Variants in SIPA1L1 observed in about 807,000 individuals in gnomAD.
The protein encoded by SIPA1L1 is signal induced proliferation associated 1 like 1.
SIPA1L1 carries 26 observed loss-of-function variants against 162.7 expected under a neutral mutation model. That is an observed-to-expected ratio of 0.16 (90% confidence interval 0.12 to 0.22). The LOEUF (loss-of-function observed/expected upper bound fraction) is 0.22. Among genes scored for constraint, SIPA1L1 ranks in the 10% least tolerant of loss-of-function variants. The pLI, the probability that SIPA1L1 is intolerant of heterozygous loss-of-function variation, is 1.00. For missense variants in SIPA1L1, 1,874 were observed against 2,241.0 expected, an observed-to-expected ratio of 0.84 and a Z score of 3.31; for synonymous variants, 829 against 837.4, an observed-to-expected ratio of 0.99 and a Z score of 0.17.
At chr14:71,359,463 A>G (rs1002932971) in intron 2 of SIPA1L1, among the ~76,000 whole-genome samples, 2 of 152,146 alleles carry the variant, frequency 1.3e-5, no homozygotes, top group African/African-American at 4.8e-5. Context: ...TATGGTTTCT[A>G]TTTATGGTGT....
Position 71,378,297 on chromosome 14 carries a change from C to A in SIPA1L1, c.-465+57116C>A, listed in dbSNP as rs752987116. 3.2e-4 allele frequency among the ~76,000 whole-genome samples: 49 copies of A among 151,690 alleles called. 1 individual carries two copies. Among genetic ancestry groups the A allele is most frequent in the Non-Finnish European group, 1.0e-4 (7 of 67,952 alleles). Reference sequence around the variant, plus strand: ...CTTTTTCTTGTTTCTTAAGGTGGAACCTTAGGTAACTGTGGTAGATCTTTC... The same window carrying A: ...CTTTTTCTTGTTTCTTAAGGTGGAAACTTAGGTAACTGTGGTAGATCTTTC... On this transcript the variant is annotated intron_variant, in intron 2 of 23. Transcript: ENST00000381232.
intron 13 of SIPA1L1, among the ~76,000 whole-genome samples, 163 bp from the exon 14 acceptor site, chr14:71,698,818 A>AT (rs1280607589): frequency 7.4e-6 from 1 of 134,322 alleles, no homozygotes; most frequent in Non-Finnish European, 1.5e-5. Flanking sequence ...CTAGGGAGTC[A>AT]TTTTATGGGG....
At chr14:71,624,334 G>C (rs1048508682) in intron 7 of SIPA1L1, 98 bp downstream of exon 7, 29 of 1,050,920 alleles carry the variant, frequency 2.8e-5, no homozygotes, top group Admixed American at 1.2e-4. Context: ...GGAGATAATT[G>C]ATACTTTTTA....
At chr14:71,535,033 A>G (rs2053771295) in intron 4 of SIPA1L1, among the ~76,000 whole-genome samples, 1 of 152,260 alleles carries the variant, frequency 6.6e-6, no homozygotes, top group Admixed American at 6.5e-5. Flanking sequence ...TAGAAAATGC[A>G]GGTAAACATA....
chr14:71,733,522 A>C, intron 20 of SIPA1L1, 144 bp from the exon 21 acceptor site: 1 of 792,352 alleles, frequency 1.3e-6, no homozygotes, highest in Non-Finnish European at 2.0e-6. Context: ...TCAGCTTTAG[A>C]ATAGCCACTA....
At chr14:71,413,435 T>C (rs2042545056) in intron 2 of SIPA1L1, among the ~76,000 whole-genome samples, 1 of 152,196 alleles carries the variant, frequency 6.6e-6, no homozygotes, top group South Asian at 2.1e-4. Flanking sequence ...TTGGCTTAAA[T>C]TTAAATATGT....
chr14:71,655,916 G>C (rs764160005), intron 8 of SIPA1L1, among the ~76,000 whole-genome samples: 1 of 151,892 alleles, frequency 6.6e-6, no homozygotes, highest in East Asian at 1.9e-4. Flanking sequence ...CCATTCTGTA[G>C]GTTGTCTGTT....
intron 2 of SIPA1L1, among the ~76,000 whole-genome samples, chr14:71,423,299 C>CT (rs2043319113): frequency 6.6e-6 from 1 of 151,968 alleles, no homozygotes; most frequent in Non-Finnish European, 1.5e-5. Flanking sequence ...TTGATAGTGT[C>CT]TTTTGATGCA....
At position 71,685,512 on chromosome 14, in the gene SIPA1L1, G is replaced by A. The variant is rs1322466343; in HGVS notation, c.3255G>A (p.Val1085=). 6.2e-7 allele frequency: 1 copy of A among 1,614,238 alleles called. No individual in the cohort carries two copies. Among genetic ancestry groups the A allele is most frequent in the Non-Finnish European group, 8.5e-7 (1 of 1,180,040 alleles). ...ATTCACCTCAAGTCCCGTCCCAGGT[G>A]CAGAGTCCCATGACCTCGCGGCTGA... ...GPHSPQVPSQ[V]QSPMTSRLNA... is the part of the protein sequence containing the mutation. Residue 1085 remains valine (V), a synonymous_variant, in exon 13 of 24, where the codon GTG becomes GTA. Coordinates refer to ENST00000381232, the MANE Select transcript of SIPA1L1 (RefSeq NM_001386936.1).
At chr14:71,702,095 TA>T (rs1216463056) in intron 14 of SIPA1L1, among the ~76,000 whole-genome samples, 1 of 152,236 alleles carries the variant, frequency 6.6e-6, no homozygotes, top group African/African-American at 2.4e-5. Context: ...TGGTTTCTTA[TA>T]CTACATACCT....
chr14:71,354,348 G>A (rs1374263369), intron 2 of SIPA1L1, among the ~76,000 whole-genome samples: 1 of 150,922 alleles, frequency 6.6e-6, no homozygotes, highest in Non-Finnish European at 1.5e-5. Flanking sequence ...GGCCATCTTG[G>A]CTCACTGGAA....
At position 71,588,118 on chromosome 14, in the gene SIPA1L1, T is replaced by C; in HGVS notation, c.246T>C (p.Asp82=). The C allele has an allele frequency of 6.2e-7, 1 of 1,614,136 alleles. No homozygotes were observed. Among genetic ancestry groups the C allele is most frequent in the Non-Finnish European group, 8.5e-7 (1 of 1,179,998 alleles). Reference sequence around the variant, plus strand: ...TGGGGGTAAGGGCAAGGATTGCAGATTGGCCCCCAAGAAAGGAAAACATAA... The same window carrying C: ...TGGGGGTAAGGGCAAGGATTGCAGACTGGCCCCCAAGAAAGGAAAACATAA... ...PKMGVRARIA[D]WPPRKENIKE... The change falls in exon 5 of 24, where the codon GAT becomes GAC. Residue 82 remains aspartate, a synonymous_variant. Transcript: ENST00000381232. This position sits in a 1 kb window ranked among gnomAD's most constrained non-coding sequence, Gnocchi z 4.3.
intron 4 of SIPA1L1, among the ~76,000 whole-genome samples, chr14:71,544,281 G>T (rs61989417): frequency 9.4e-5 from 10 of 106,162 alleles, no homozygotes; most frequent in African/African-American, 2.7e-4. Context: ...ATATACATAT[G>T]TGTATATACA....
chr14:71,607,643 A>G (rs1045109223), intron 5 of SIPA1L1, among the ~76,000 whole-genome samples: 2 of 152,204 alleles, frequency 1.3e-5, no homozygotes, highest in African/African-American at 2.4e-5. Flanking sequence ...AGGAAATTCC[A>G]GAGTCCCTCC....
chr14:71,516,347 C>A (rs1249072140), intron 3 of SIPA1L1, among the ~76,000 whole-genome samples: 1 of 152,162 alleles, frequency 6.6e-6, no homozygotes, highest in Non-Finnish European at 1.5e-5. Context: ...GAAACAATCT[C>A]ACCTGTCCCT....
chr14:71,466,919 T>C (rs2047046898), intron 2 of SIPA1L1, among the ~76,000 whole-genome samples: 1 of 152,248 alleles, frequency 6.6e-6, no homozygotes, highest in Non-Finnish European at 1.5e-5. Context: ...TAATTGAATT[T>C]GGGCATGTTA....
intron 2 of SIPA1L1, among the ~76,000 whole-genome samples, chr14:71,496,427 T>G (rs1234419136): frequency 1.3e-5 from 2 of 152,246 alleles, no homozygotes; most frequent in East Asian, 3.8e-4. Flanking sequence ...TTTGGAGATT[T>G]CTCAAATTTC....
At chr14:71,380,910 G>A (rs1026234306) in intron 2 of SIPA1L1, among the ~76,000 whole-genome samples, 10 of 152,220 alleles carry the variant, frequency 6.6e-5, no homozygotes, top group African/African-American at 2.2e-4. Flanking sequence ...GCCTCTTAAA[G>A]CATATTTCAC....
chr14:71,577,621 C>T (rs1256243074), intron 4 of SIPA1L1, among the ~76,000 whole-genome samples: 4 of 151,888 alleles, frequency 2.6e-5, no homozygotes, highest in Admixed American at 1.3e-4. Flanking sequence ...TCAGGTGATC[C>T]GCCTGCCTTG....
Sources: gnomAD v4.1 joint callset for allele counts (sites outside exome capture counted in the v4.1 genomes callset) on GRCh38, gnomAD v4.1.1 for gene constraint, Gnocchi (gnomAD v3.1) non-coding constraint, MANE v1.5 for transcripts, NCBI Gene and HGNC (gene_info 2026-07-23, HGNC 2026-07-21) for gene names.